The following NRXN3 variants were observed in gnomAD, a reference collection of about 807,000 sequenced individuals.
NRXN3 encodes neurexin III.
Under a neutral mutation model 137.6 loss-of-function variants are expected in NRXN3, and 32 were observed. The ratio of observed to expected loss-of-function variants is 0.23; its 90% CI spans 0.18 to 0.31. NRXN3 has a LOEUF of 0.31. NRXN3 is among the 10% of genes least tolerant of loss of function. NRXN3 has a pLI of 1.00. For synonymous variants in NRXN3, 798 were observed against 784.5 expected, an observed-to-expected ratio of 1.02 and a Z score of -0.29; for missense variants, 1,574 against 2,062.5, an observed-to-expected ratio of 0.76 and a Z score of 4.59.
intron 4 of NRXN3, among the ~76,000 whole-genome samples, chr14:78,558,350 C>T (rs1000066298): frequency 6.6e-6 from 1 of 152,158 alleles, no homozygotes; most frequent in African/African-American, 2.4e-5. Context: ...GAATTGTCTT[C>T]CATGTTATCC....
At chr14:79,347,699 G>A (rs2092965824) in intron 15 of NRXN3, among the ~76,000 whole-genome samples, 1 of 152,160 alleles carries the variant, frequency 6.6e-6, no homozygotes, top group Admixed American at 6.5e-5. Flanking sequence ...GGGATTACAG[G>A]CGTGAGCCAC....
At chr14:79,456,927 T>C (rs1203160733) in intron 15 of NRXN3, among the ~76,000 whole-genome samples, 8 of 152,084 alleles carry the variant, frequency 5.3e-5, no homozygotes, top group Non-Finnish European at 1.0e-4. Flanking sequence ...TCAGTCAGGA[T>C]TGATTTTCTC....
chr14:79,029,381 A>C (rs2099603688), intron 15 of NRXN3, among the ~76,000 whole-genome samples: 1 of 152,178 alleles, frequency 6.6e-6, no homozygotes, highest in African/African-American at 2.4e-5. Flanking sequence ...TACTGTTGTA[A>C]CTGGTAATTG....
chr14:78,856,843 C>T (rs2099058633), intron 10 of NRXN3, among the ~76,000 whole-genome samples: 1 of 152,134 alleles, frequency 6.6e-6, no homozygotes, highest in South Asian at 2.1e-4. Flanking sequence ...AAGTGATTCT[C>T]CTGCCTTGGC....
intron 8 of NRXN3, among the ~76,000 whole-genome samples, chr14:78,797,269 A>G (rs900004964): frequency 1.3e-5 from 2 of 152,238 alleles, no homozygotes; most frequent in South Asian, 2.1e-4. Flanking sequence ...GAACAGGGTT[A>G]GTGTCCAGAC....
At chr14:78,427,476 C>T (rs2093707852) in intron 4 of NRXN3, among the ~76,000 whole-genome samples, 1 of 152,086 alleles carries the variant, frequency 6.6e-6, no homozygotes, top group Non-Finnish European at 1.5e-5. Flanking sequence ...TTTAAAAGAT[C>T]GATCGAAGCC....
At chr14:78,490,197 TCCACCACAC>T (rs2095640620) in intron 4 of NRXN3, among the ~76,000 whole-genome samples, 1 of 24,912 alleles carries the variant, frequency 4.0e-5, no homozygotes, top group Non-Finnish European at 8.6e-5. Context: ...ACAGGTGTGA[TCCACCACAC>T]CCGGCCTCCC....
chr14:79,423,808 A>G (rs2095616565), intron 15 of NRXN3, among the ~76,000 whole-genome samples: 1 of 152,210 alleles, frequency 6.6e-6, no homozygotes, highest in South Asian at 2.1e-4. Context: ...AAGATAGAAC[A>G]CTGGCTCAGA....
At chr14:79,753,317 A>T (rs1251811343) in intron 19 of NRXN3, among the ~76,000 whole-genome samples, 3 of 151,992 alleles carry the variant, frequency 2.0e-5, no homozygotes, top group Admixed American at 1.3e-4. Flanking sequence ...CTTGGAACTA[A>T]CCCAAATGTC....
intron 10 of NRXN3, among the ~76,000 whole-genome samples, chr14:78,825,664 A>G (rs901638014): frequency 6.6e-6 from 1 of 152,262 alleles, no homozygotes; most frequent in African/African-American, 2.4e-5. Flanking sequence ...CCTCCTGGGC[A>G]CTTGTCTGAC....
At chr14:78,884,993 A>G (rs2099139354) in intron 10 of NRXN3, among the ~76,000 whole-genome samples, 1 of 152,100 alleles carries the variant, frequency 6.6e-6, no homozygotes, top group Non-Finnish European at 1.5e-5. Flanking sequence ...AAGCTCCTAC[A>G]CTTATTAGGT....
At position 79,543,585 on chromosome 14, in the gene NRXN3, G is replaced by A. The variant is rs148317141; in HGVS notation, c.3444+76183G>A. Among the ~76,000 whole-genome samples, 48 of 152,270 alleles carry A rather than the reference G, an allele frequency of 3.2e-4. 1 individual carries two copies. The East Asian group carries it at 8.9e-3, about 28-fold the overall frequency. The stretch of plus-strand genomic sequence containing the variant: ...TGGCCACAGCATGAACTGGAGAGTC[G>A]GCTGTATTTGGCATGACAAGGTTGG... On this transcript the variant is annotated intron_variant, in intron 16 of 20. Transcript: ENST00000335750.
chr14:78,519,283 CTT>C (rs2096254053), intron 4 of NRXN3, among the ~76,000 whole-genome samples: 2 of 152,138 alleles, frequency 1.3e-5, no homozygotes, highest in Non-Finnish European at 2.9e-5. Context: ...CATCATCCTG[CTT>C]CAGGAGAACT....
intron 4 of NRXN3, among the ~76,000 whole-genome samples, chr14:78,556,755 C>T (rs2096740334): frequency 6.6e-6 from 1 of 152,094 alleles, no homozygotes; most frequent in Non-Finnish European, 1.5e-5. Context: ...TAACAAATAC[C>T]TGATCTCCAT....
chr14:78,489,255 G>T (rs770161141), intron 4 of NRXN3, among the ~76,000 whole-genome samples: 1 of 152,162 alleles, frequency 6.6e-6, no homozygotes. Context: ...CAGACAATCT[G>T]GTTTATGGAC....
chr14:79,243,281 T>G (rs1195569101), intron 15 of NRXN3, among the ~76,000 whole-genome samples: 2 of 152,174 alleles, frequency 1.3e-5, no homozygotes. Context: ...TTCTGTGTTG[T>G]GATAGAATCA....
At chr14:78,640,523 T>G (rs1374991484) in intron 4 of NRXN3, among the ~76,000 whole-genome samples, 1 of 152,222 alleles carries the variant, frequency 6.6e-6, no homozygotes, top group Non-Finnish European at 1.5e-5. Flanking sequence ...AGTATTTTAA[T>G]CTGCTTTGGA....
At chr14:79,615,202 A>G (rs964859247) in intron 16 of NRXN3, among the ~76,000 whole-genome samples, 7 of 152,236 alleles carry the variant, frequency 4.6e-5, no homozygotes, top group African/African-American at 1.7e-4. Context: ...AGCTTAGAGA[A>G]TATGTACACG....
chr14:78,946,043 G>A (rs31439), intron 10 of NRXN3, among the ~76,000 whole-genome samples: 32,477 of 152,142 alleles, frequency 0.21, 7,151 homozygotes, highest in African/African-American at 0.54. Context: ...GAAGAGGCTG[G>A]TAGGAAAAGA....
Sources: gnomAD v4.1 joint callset for allele counts (sites outside exome capture counted in the v4.1 genomes callset) on GRCh38, gnomAD v4.1.1 for gene constraint, MANE v1.5 for transcripts, NCBI Gene and HGNC (gene_info 2026-07-23, HGNC 2026-07-21) for gene names.